The following UBE2W variants were observed in gnomAD, a reference collection of about 807,000 sequenced individuals.
The protein encoded by UBE2W is ubiquitin conjugating enzyme E2 W.
UBE2W carries 18 observed loss-of-function variants against 27.2 expected under a neutral mutation model. That is an observed-to-expected ratio of 0.66 (90% CI 0.46 to 0.98). The LOEUF (loss-of-function observed/expected upper bound fraction) is 0.98. Among genes scored for constraint, UBE2W ranks in the 50% least tolerant of loss-of-function variants. UBE2W has a pLI of 0.00. For synonymous variants in UBE2W, 53 were observed against 57.2 expected, an observed-to-expected ratio of 0.93 and a Z score of 0.33; for missense variants, 90 against 180.2, an observed-to-expected ratio of 0.50 and a Z score of 2.87.
intron 4 of UBE2W, among the ~76,000 whole-genome samples, chr8:73,808,159 A>G (rs1808997726): frequency 6.6e-6 from 1 of 152,254 alleles, no homozygotes; most frequent in African/African-American, 2.4e-5. Context: ...AGTAAAGCCC[A>G]TAGAACCATG....
At chr8:73,874,174 G>A (rs1257830896) in intron 1 of UBE2W, among the ~76,000 whole-genome samples, 1 of 152,228 alleles carries the variant, frequency 6.6e-6, no homozygotes, top group African/African-American at 2.4e-5. Flanking sequence ...GCTGACGCCT[G>A]TAATCCCAGC....
intron 4 of UBE2W, among the ~76,000 whole-genome samples, chr8:73,808,645 A>G (rs1329163905): frequency 6.6e-6 from 1 of 152,216 alleles, no homozygotes; most frequent in Non-Finnish European, 1.5e-5. Context: ...GCACAGTAAA[A>G]GTAGCACATA....
intron 1 of UBE2W, among the ~76,000 whole-genome samples, chr8:73,839,352 A>G (rs1484937797): frequency 6.7e-6 from 1 of 149,634 alleles, no homozygotes; most frequent in South Asian, 2.1e-4. Flanking sequence ...CTAGTTAAAA[A>G]AAAAAAAAAA....
At chr8:73,825,977 A>G (rs1809817949) in intron 2 of UBE2W, among the ~76,000 whole-genome samples, 1 of 152,200 alleles carries the variant, frequency 6.6e-6, no homozygotes. Flanking sequence ...GGTGGAAGCC[A>G]TGGAGAAATA....
chr8:73,803,978 G>C lies in UBE2W; in HGVS notation c.442+1673C>G, dbSNP rs549470637. Reference sequence around the variant, plus strand: ...AGACAGGGTTTCACCGTGTTAGCCAGGATGGTCTCAATCTCCTGGTCTCGT... The same window carrying C: ...AGACAGGGTTTCACCGTGTTAGCCACGATGGTCTCAATCTCCTGGTCTCGT... On this transcript the variant is annotated intron_variant, in intron 5 of 5. Coordinates refer to ENST00000602593, the MANE Select transcript of UBE2W (RefSeq NM_018299.6). Among the ~76,000 whole-genome samples the C allele has an allele frequency of 2.0e-5, 3 of 150,880 alleles. No individual in the cohort carries two copies. In the South Asian group the frequency reaches 6.3e-4, roughly 32 times the overall value.
intron 1 of UBE2W, among the ~76,000 whole-genome samples, chr8:73,833,397 A>C (rs1343271410): frequency 1.3e-5 from 2 of 151,850 alleles, no homozygotes; most frequent in Non-Finnish European, 2.9e-5. Context: ...ATTTTTAAAA[A>C]ATTTTAAAGT....
At chr8:73,868,021 T>A (rs560397938) in intron 1 of UBE2W, among the ~76,000 whole-genome samples, 73 of 152,312 alleles carry the variant, frequency 4.8e-4, no homozygotes, top group Non-Finnish European at 8.7e-4. Flanking sequence ...GAAATATATA[T>A]CTTCATCCAG....
chr8:73,787,381 G>A lies in UBE2W; in HGVS notation c.*6721C>T, dbSNP rs1020191601. On this transcript the variant is annotated 3_prime_UTR_variant, in exon 6 of 6. Transcript: ENST00000602593. ...ATCCAGGGTAGCTTAAACTAATGGA[G>A]AAAAGTCAAATCCTACTATGGAAAG... is the stretch of plus-strand genomic sequence containing the variant. The A allele has an allele frequency of 6.1e-6, 6 of 985,280 alleles. No individual in the cohort carries two copies. The highest frequency in any genetic ancestry group is 6.0e-6 in the Non-Finnish European group (5 of 829,912). 61.0% of individuals were successfully genotyped at this position (985,280 alleles called of 1,614,324 possible). A position where few individuals can be genotyped will look rare whatever the true frequency, so the allele number is the denominator to read the frequency against.
chr8:73,847,364 C>T (rs570279037), intron 1 of UBE2W, among the ~76,000 whole-genome samples: 9 of 152,180 alleles, frequency 5.9e-5, no homozygotes, highest in African/African-American at 1.4e-4. Flanking sequence ...TAGGTATGTA[C>T]GGGAACTGAA....
At chr8:73,837,243 T>C (rs1247984282) in intron 1 of UBE2W, among the ~76,000 whole-genome samples, 1 of 152,222 alleles carries the variant, frequency 6.6e-6, no homozygotes, top group Non-Finnish European at 1.5e-5. Flanking sequence ...TCGGGTGCGG[T>C]GGCTCATGCC....
At chr8:73,874,087 C>A (rs1480851149) in intron 1 of UBE2W, among the ~76,000 whole-genome samples, 4 of 152,116 alleles carry the variant, frequency 2.6e-5, no homozygotes, top group Non-Finnish European at 5.9e-5. Context: ...TCCAGGAGGT[C>A]AAGTACTTCA....
chr8:73,813,083 C>CAG (rs1554580724), intron 3 of UBE2W, among the ~76,000 whole-genome samples: 1 of 43,430 alleles, frequency 2.3e-5, no homozygotes, highest in Non-Finnish European at 4.1e-5. Flanking sequence ...GAAAGTGCCA[C>CAG]AAAAAAAAAA....
chr8:73,866,142 G>A (rs1369160927), intron 1 of UBE2W, among the ~76,000 whole-genome samples: 3 of 151,350 alleles, frequency 2.0e-5, no homozygotes, highest in Non-Finnish European at 2.9e-5. Flanking sequence ...GTGGCAGCGC[G>A]TGCCTGTAAT....
Position 73,791,492 on chromosome 8 carries a change from G to A in UBE2W, c.*2610C>T. 1.0e-6 allele frequency: 1 copy of A among 985,220 alleles called. No individual in the cohort carries two copies. Among genetic ancestry groups the A allele is most frequent in the Non-Finnish European group, 1.2e-6 (1 of 829,830 alleles). The allele number at this position is 985,220 out of a possible 1,614,324, so 61.0% of individuals were successfully genotyped here. On this transcript the variant is annotated 3_prime_UTR_variant, in exon 6 of 6. Transcript: ENST00000602593. ...GCCCCACGAGGAAATGCAGGGAGGA[G>A]GCAAGTAGCATATTCCTATATACAT...
At chr8:73,846,754 G>A (rs1220939619) in intron 1 of UBE2W, among the ~76,000 whole-genome samples, 1 of 152,204 alleles carries the variant, frequency 6.6e-6, no homozygotes, top group Non-Finnish European at 1.5e-5. Context: ...TTTGGAAGCA[G>A]GTGATGGGGA....
intron 5 of UBE2W, among the ~76,000 whole-genome samples, chr8:73,796,290 C>CTAATATGT (rs1808417782): frequency 6.6e-6 from 1 of 151,906 alleles, no homozygotes; most frequent in African/African-American, 2.4e-5. Flanking sequence ...AAAATTCTAC[C>CTAATATGT]TAATATGTCA....
Position 73,788,584 on chromosome 8 carries a change from C to T in UBE2W, c.*5518G>A. 1.0e-6 allele frequency: 1 copy of T among 985,378 alleles called. No homozygotes were observed. The highest frequency in any genetic ancestry group is 1.2e-6 in the Non-Finnish European group (1 of 829,928). 61.0% of individuals were successfully genotyped at this position (985,378 alleles called of 1,614,324 possible). A position where few individuals can be genotyped will look rare whatever the true frequency, so the allele number is the denominator to read the frequency against. On this transcript the variant is annotated 3_prime_UTR_variant, in exon 6 of 6. Transcript: ENST00000602593. ...GGTATCTGACACAATTTACCAAGTT[C>T]CTTATGGTAGATTTCAGGCTTTAAA... is the stretch of plus-strand genomic sequence containing the variant.
downstream of UBE2W, among the ~76,000 whole-genome samples, chr8:73,783,086 T>TA (rs1385433250): frequency 1.3e-5 from 2 of 152,196 alleles, no homozygotes; most frequent in African/African-American, 4.8e-5. Flanking sequence ...TCAGTTCGAG[T>TA]AAAAAACAAA....
chr8:73,821,567 G>C (rs1233854969), intron 3 of UBE2W, among the ~76,000 whole-genome samples: 4 of 125,176 alleles, frequency 3.2e-5, no homozygotes, highest in Non-Finnish European at 3.4e-5. Flanking sequence ...GGGGGGGGGG[G>C]GATGTGTGTG....
Sources: allele counts gnomAD v4.1 joint callset (sites outside exome capture counted in the v4.1 genomes callset), GRCh38; gene constraint gnomAD v4.1.1; transcripts MANE v1.5; gene names NCBI Gene and HGNC (gene_info 2026-07-23, HGNC 2026-07-21).